Variants in RNF10 observed in about 807,000 individuals in gnomAD.
RNF10 encodes E3 ubiquitin-protein ligase RNF10.
In RNF10, 38 loss-of-function variants were observed where a neutral mutation model predicts 91.4. That is an observed-to-expected ratio of 0.42 (90% CI 0.32 to 0.54). The LOEUF is 0.54. RNF10 is among the 20% of genes least tolerant of loss of function. The pLI, the probability that RNF10 is intolerant of heterozygous loss-of-function variation, is 0.16. For missense variants in RNF10, 945 were observed against 1,012.0 expected (o/e 0.93, Z 0.90); for synonymous variants, 364 against 366.3 (o/e 0.99, Z 0.07).
At chr12:120,546,115 C>G (rs1360546992) in intron 1 of RNF10, among the ~76,000 whole-genome samples, 1 of 152,144 alleles carries the variant, frequency 6.6e-6, no homozygotes, top group Non-Finnish European at 1.5e-5. Flanking sequence ...TTTACAAGGA[C>G]AGTGGTTAAG....
In RNF10 at chr12:120,556,309, C is replaced by T. The variant is rs1163955793; in HGVS notation, c.646-973C>T. 2.7e-5 allele frequency among the ~76,000 whole-genome samples: 4 copies of T among 150,846 alleles called. No individual in the cohort carries two copies. The South Asian group carries it at 6.3e-4, about 24-fold the overall frequency. On this transcript the variant is annotated intron_variant, in intron 4 of 16. Transcript: ENST00000325954. The stretch of plus-strand genomic sequence containing the variant: ...CAGCACTTTGGGAGGCTGAGGCGGG[C>T]GGATCACGGGGTCAGGAGATCGAGA...
Position 120,575,909 on chromosome 12 carries a change from T to G in RNF10, c.2318T>G (p.Phe773Cys). ...NSFSQAIEAA[F>C]MKLDTPATSD... ...TTCAGCCAAGCTATTGAAGCAGCCT[T>G]CATGAAACTGGACACACCAGCTACT... is the stretch of plus-strand genomic sequence containing the variant. The change falls in exon 16 of 17, where the codon TTC becomes TGC. Residue 773 changes from phenylalanine (F) to cysteine (C), a missense_variant. By Grantham distance (205) the Phe-to-Cys change is radical. Coordinates refer to ENST00000325954, the MANE Select transcript of RNF10 (RefSeq NM_014868.5). 1 of 1,614,058 alleles carries G rather than the reference T, an allele frequency of 6.2e-7. No homozygotes were observed. Among genetic ancestry groups the G allele is most frequent in the Non-Finnish European group, 8.5e-7 (1 of 1,180,016 alleles).
rs1314804846 is a variant in RNF10 at position 120,560,152 on chromosome 12, T to TG, written c.968-574_968-573insG. On this transcript the variant is annotated intron_variant, in intron 6 of 16. Transcript: ENST00000325954. ...TTTCTTTTTCTGTGTGTGGTTTTTT[T>TG]TGTTTTTTTTTTTTTTGAGACAGAG... Among the ~76,000 whole-genome samples, 79 of 133,366 alleles carry TG rather than the reference T, an allele frequency of 5.9e-4. 1 individual carries two copies. Among genetic ancestry groups the TG allele is most frequent in the African/African-American group, 1.9e-3 (73 of 38,972 alleles). 87.5% of individuals were successfully genotyped at this position (133,366 alleles called of 152,430 possible).
chr12:120,562,746 A>C (rs996774026), intron 7 of RNF10, among the ~76,000 whole-genome samples, 199 bp from the exon 8 acceptor site: 2 of 152,134 alleles, frequency 1.3e-5, no homozygotes, highest in African/African-American at 4.8e-5. Context: ...GCAGATTCCA[A>C]TCCTTAGTGG....
At chr12:120,557,258 C>G in intron 4 of RNF10, 24 bp from the exon 5 acceptor site, 1 of 1,611,154 alleles carries the variant, frequency 6.2e-7, no homozygotes, top group Non-Finnish European at 8.5e-7. Flanking sequence ...AAGCAGTGAA[C>G]CTTCTGGTGG....
intron 1 of RNF10, among the ~76,000 whole-genome samples, chr12:120,541,437 C>CTT (rs3049456): frequency 0.25 from 35,784 of 140,462 alleles, 5,374 homozygotes; most frequent in East Asian, 0.5. Flanking sequence ...CTGAGTTTTC[C>CTT]TTTTTTTTTT....
chr12:120,575,402 A>G, intron 14 of RNF10: 1 of 538,432 alleles, frequency 1.9e-6, no homozygotes, highest in Middle Eastern at 5.1e-4. Flanking sequence ...CCCATTTCCT[A>G]AGGAACAAAC....
intron 2 of RNF10, among the ~76,000 whole-genome samples, chr12:120,549,458 T>C (rs1176246332): frequency 1.3e-5 from 2 of 151,734 alleles, no homozygotes; most frequent in Non-Finnish European, 2.9e-5. Context: ...CAGGGGAAGG[T>C]TTTGCCAGGT....
intron 1 of RNF10, 87 bp from the exon 2 acceptor site, chr12:120,546,318 C>A: frequency 8.0e-7 from 1 of 1,256,824 alleles, no homozygotes; most frequent in Non-Finnish European, 1.1e-6. Flanking sequence ...GCCTATTCAC[C>A]CTTATTTTTT....
chr12:120,557,185 G>A, intron 4 of RNF10, 97 bp from the exon 5 acceptor site: 1 of 1,033,676 alleles, frequency 9.7e-7, no homozygotes, highest in Non-Finnish European at 1.5e-6. Flanking sequence ...GGATAGAGAT[G>A]AGAGAGATGC....
Position 120,563,551 on chromosome 12 carries a change from A to G in RNF10, c.1459A>G (p.Ser487Gly), listed in dbSNP as rs757414439. 2.5e-6 allele frequency: 4 copies of G among 1,614,118 alleles called. No homozygotes were observed. Among genetic ancestry groups the G allele is most frequent in the African/African-American group, 2.7e-5 (2 of 75,046 alleles). Reference protein sequence around the residue: ...LKEGTICTESSQQEPITKSGF... With the variant: ...LKEGTICTESGQQEPITKSGF... ...AGAGGGGACCATTTGCACTGAGTCC[A>G]GCCAGCAGGAACCCATCACCAAGTC... is the stretch of plus-strand genomic sequence containing the variant. Residue 487 changes from serine to glycine, a missense_variant, in exon 9 of 17, where the codon AGC becomes GGC. Physicochemically the swap from Ser to Gly is moderately conservative, Grantham distance 56. Coordinates refer to ENST00000325954, the MANE Select transcript of RNF10 (RefSeq NM_014868.5).
Position 120,577,134 on chromosome 12 carries a change from GA to G in RNF10, c.*471del, listed in dbSNP as rs1292376626. ...TACCTATTTAGTTCTCCTTGTTAAA[GA>G]AACAGGGGTGGGAATAAAATGGATT... On this transcript the variant is annotated 3_prime_UTR_variant, in exon 17 of 17. Coordinates refer to ENST00000325954, the MANE Select transcript of RNF10 (RefSeq NM_014868.5). The G allele has an allele frequency of 4.5e-6, 2 of 443,500 alleles. No homozygotes were observed. The highest frequency in any genetic ancestry group is 9.0e-6 in the Non-Finnish European group (2 of 223,258). 27.5% of individuals were successfully genotyped at this position (443,500 alleles called of 1,614,324 possible). A position where few individuals can be genotyped will look rare whatever the true frequency, so the allele number is the denominator to read the frequency against.
rs553707274 is a variant in RNF10 at position 120,577,397 on chromosome 12, T to C, written c.*731T>C. On this transcript the variant is annotated 3_prime_UTR_variant, in exon 17 of 17. Transcript: ENST00000325954. ...GGCTTGAGTCATAGGAGGAGGAGTC[T>C]GGTACAGCTGCAGGAGAGCAGGGCC... The C allele has an allele frequency of 9.0e-6, 3 of 332,508 alleles. No homozygotes were observed. The highest frequency in any genetic ancestry group is 6.6e-5 in the South Asian group (3 of 45,236). The allele number at this position is 332,508 out of a possible 1,614,324, so 20.6% of individuals were successfully genotyped here.
chr12:120,576,868 ATAAAG>A lies in RNF10; in HGVS notation c.*205_*209del, dbSNP rs968552458. 9.6e-5 allele frequency: 57 copies of A among 594,082 alleles called. No individual in the cohort carries two copies. The highest frequency in any genetic ancestry group is 9.4e-4 in the Admixed American group (28 of 29,660). 36.8% of individuals were successfully genotyped at this position (594,082 alleles called of 1,614,324 possible). A position where few individuals can be genotyped will look rare whatever the true frequency, so the allele number is the denominator to read the frequency against. On this transcript the variant is annotated 3_prime_UTR_variant, in exon 17 of 17. Coordinates refer to ENST00000325954, the MANE Select transcript of RNF10 (RefSeq NM_014868.5). The stretch of plus-strand genomic sequence containing the variant: ...TCCAGCTTCCTGTCTTTACACCAAA[ATAAAG>A]TATTGACACAAGAGATCTCTTCCTG...
intron 4 of RNF10, among the ~76,000 whole-genome samples, chr12:120,555,570 C>T (rs1873861417): frequency 6.6e-6 from 1 of 151,884 alleles, no homozygotes; most frequent in Admixed American, 6.6e-5. Context: ...TCACTGCAAC[C>T]TCTGCCTGCC....
At position 120,534,664 on chromosome 12, in the gene RNF10, A is replaced by G. The variant is rs1870460055; in HGVS notation, c.-148A>G. The G allele has an allele frequency of 1.5e-5, 20 of 1,361,910 alleles. No homozygotes were observed. The highest frequency in any genetic ancestry group is 1.9e-5 in the Non-Finnish European group (20 of 1,065,250). 84.4% of individuals were successfully genotyped at this position (1,361,910 alleles called of 1,614,324 possible). ...CCGCCGCTTCTCTTCCTAGTTTGAG[A>G]AGCCAAGGAAGGAAACAGGGAAAAA... On this transcript the variant is annotated 5_prime_UTR_variant, in exon 1 of 17. Coordinates refer to ENST00000325954, the MANE Select transcript of RNF10 (RefSeq NM_014868.5).
At chr12:120,571,118 C>T (rs1876557544) in intron 13 of RNF10, 73 bp from the exon 14 acceptor site, 1 of 933,186 alleles carries the variant, frequency 1.1e-6, no homozygotes, top group Admixed American at 2.0e-5. Context: ...TGACTCAGGG[C>T]TCACTCATCT....
chr12:120,577,449 C>T lies in RNF10; in HGVS notation c.*783C>T. 3.5e-6 allele frequency: 1 copy of T among 286,902 alleles called. No individual in the cohort carries two copies. 17.8% of individuals were successfully genotyped at this position (286,902 alleles called of 1,614,324 possible). A position where few individuals can be genotyped will look rare whatever the true frequency, so the allele number is the denominator to read the frequency against. On this transcript the variant is annotated 3_prime_UTR_variant, in exon 17 of 17. Transcript: ENST00000325954. ...TCTGAAGCGGTAGCATTGCCACCATCTCCCTCTCATCTAGAGCAGTTTTCT... is the reference window on the plus strand; with the variant it reads ...TCTGAAGCGGTAGCATTGCCACCATTTCCCTCTCATCTAGAGCAGTTTTCT...
intron 1 of RNF10, among the ~76,000 whole-genome samples, chr12:120,535,224 G>GAA (rs1870573781): frequency 6.6e-6 from 1 of 152,222 alleles, no homozygotes; most frequent in African/African-American, 2.4e-5. Context: ...CATATGATGA[G>GAA]AAAGGGTAAG....
Sources: gnomAD v4.1 joint callset for allele counts (sites outside exome capture counted in the v4.1 genomes callset) on GRCh38, gnomAD v4.1.1 for gene constraint, MANE v1.5 for transcripts, NCBI Gene and HGNC (gene_info 2026-07-23, HGNC 2026-07-21) for gene names.